The following DYRK1A variants were observed in gnomAD, a reference collection of about 807,000 sequenced individuals.
The protein encoded by DYRK1A is dual specificity tyrosine phosphorylation regulated kinase 1A, also known as dual specificity tyrosine-phosphorylation-regulated kinase 1A.
DYRK1A carries 9 observed loss-of-function variants against 79.7 expected under a neutral mutation model. The ratio of observed to expected loss-of-function variants is 0.11; its 90% CI spans 0.07 to 0.20. DYRK1A has a LOEUF of 0.20. Among genes scored for constraint, DYRK1A ranks in the 10% least tolerant of loss-of-function variants. The pLI is 1.00. For missense variants in DYRK1A, 622 were observed against 956.0 expected, an observed-to-expected ratio of 0.65 and a Z score of 4.61; for synonymous variants, 349 against 329.7, an observed-to-expected ratio of 1.06 and a Z score of -0.63.
intron 1 of DYRK1A, among the ~76,000 whole-genome samples, chr21:37,397,521 A>G (rs1166337297): frequency 6.6e-6 from 1 of 152,148 alleles, no homozygotes; most frequent in East Asian, 1.9e-4. Flanking sequence ...TTAAGTACAC[A>G]TTTAGTCACA....
chr21:37,367,704 C>T lies in DYRK1A; in HGVS notation c.-77+76C>T, dbSNP rs186071095. 1,247 of 147,148 alleles carry T rather than the reference C, an allele frequency of 8.5e-3. 13 individuals carry two copies. The highest frequency in any genetic ancestry group is 0.02 in the South Asian group (95 of 4,694). 9.1% of individuals were successfully genotyped at this position (147,148 alleles called of 1,614,324 possible). On this transcript the variant is annotated intron_variant, in intron 1 of 11. Transcript: ENST00000647188. ...CCGGCGGCCCGCAGCCGGGCCGGAG[C>T]CGAGGCCGGCCGGGCGGAGGGAGGG...
chr21:37,389,048 A>T (rs13052030), intron 1 of DYRK1A, among the ~76,000 whole-genome samples: 20,057 of 150,956 alleles, frequency 0.13, 1,431 homozygotes, highest in Middle Eastern at 0.17. Context: ...TAAAAAAAAA[A>T]ATTTTTTTTT....
chr21:37,496,374 T>C (rs936004991), intron 9 of DYRK1A, 116 bp downstream of exon 9: 57 of 1,015,214 alleles, frequency 5.6e-5, no homozygotes, highest in Middle Eastern at 5.1e-4. Flanking sequence ...ACGATTTTAT[T>C]GATACCTTAC....
At chr21:37,483,057 A>G (rs2052713934) in intron 5 of DYRK1A, among the ~76,000 whole-genome samples, 1 of 152,186 alleles carries the variant, frequency 6.6e-6, no homozygotes, top group Non-Finnish European at 1.5e-5. Context: ...TCCTGAGGCG[A>G]CATACATCCT....
Position 37,506,181 on chromosome 21 carries a change from A to G in DYRK1A, c.1602A>G (p.Thr534=), listed in dbSNP as rs2053591577. 2.5e-6 allele frequency: 4 copies of G among 1,614,186 alleles called. No homozygotes were observed. The highest frequency in any genetic ancestry group is 3.4e-6 in the Non-Finnish European group (4 of 1,180,036). ...HQHRHSGGHF[T]AAVQAMDCET... ...ATCGGCACAGTGGTGGGCACTTCAC[A>G]GCTGCCGTGCAGGCCATGGACTGCG... is the stretch of plus-strand genomic sequence containing the variant. The change falls in exon 11 of 12, where the codon ACA becomes ACG. Residue 534 remains threonine, a synonymous_variant. Transcript: ENST00000647188.
At chr21:37,426,887 T>C (rs1307196046) in intron 2 of DYRK1A, among the ~76,000 whole-genome samples, 2 of 134,714 alleles carry the variant, frequency 1.5e-5, no homozygotes, top group Non-Finnish European at 3.1e-5. Flanking sequence ...GCCACTGGAC[T>C]CCAGCTTGGG....
chr21:37,418,871 T>C (rs917374493), intron 1 of DYRK1A: 1 of 152,194 alleles, frequency 6.6e-6, no homozygotes, highest in Admixed American at 6.5e-5. Context: ...GAATCTGGAA[T>C]ATAGGCAAAG....
At chr21:37,407,955 C>A (rs954206778) in intron 1 of DYRK1A, among the ~76,000 whole-genome samples, 8 of 152,016 alleles carry the variant, frequency 5.3e-5, no homozygotes, top group Non-Finnish European at 8.8e-5. Flanking sequence ...CCCCGGCTCC[C>A]TGAAGTTTCA....
In DYRK1A at chr21:37,373,466, A is replaced by G. The variant is rs150952783; in HGVS notation, c.-77+5838A>G. Among the ~76,000 whole-genome samples, 4 of 152,350 alleles carry G rather than the reference A, an allele frequency of 2.6e-5. No individual in the cohort carries two copies. The East Asian group carries it at 5.8e-4, about 22-fold the overall frequency. ...AATGTAGATGGGCCTGTTTCTGACT[A>G]AATACAGTGGCTTAAACGAGAAATT... On this transcript the variant is annotated intron_variant, in intron 1 of 11. Coordinates refer to ENST00000647188, the MANE Select transcript of DYRK1A (RefSeq NM_001347721.2).
At chr21:37,455,035 T>TTTTC (rs1569337621) in intron 2 of DYRK1A, among the ~76,000 whole-genome samples, 2 of 151,298 alleles carry the variant, frequency 1.3e-5, no homozygotes, top group African/African-American at 4.9e-5. Flanking sequence ...TTTTTTTTTT[T>TTTTC]TTTCGTGCCC....
intron 1 of DYRK1A, among the ~76,000 whole-genome samples, chr21:37,392,624 C>A (rs897860394): frequency 8.5e-5 from 13 of 152,186 alleles, no homozygotes; most frequent in African/African-American, 3.1e-4. Flanking sequence ...TTCCTTTAAC[C>A]TCTTTTACAA....
At chr21:37,382,730 T>C (rs1300221847) in intron 1 of DYRK1A, among the ~76,000 whole-genome samples, 1 of 152,220 alleles carries the variant, frequency 6.6e-6, no homozygotes, top group Non-Finnish European at 1.5e-5. Context: ...ACTGGCCTAC[T>C]GAATGAATAA....
At chr21:37,452,095 C>T (rs1368733271) in intron 2 of DYRK1A, among the ~76,000 whole-genome samples, 1 of 150,850 alleles carries the variant, frequency 6.6e-6, no homozygotes, top group Non-Finnish European at 1.5e-5. Flanking sequence ...AACACTTAAC[C>T]TGGGTACTCT....
At chr21:37,487,073 G>A (rs969542544) in intron 6 of DYRK1A, 2 of 152,294 alleles carry the variant, frequency 1.3e-5, no homozygotes, top group African/African-American at 4.8e-5. Context: ...AGCATTAGAA[G>A]CTATTAGATT....
chr21:37,508,574 A>C (rs1341107632), intron 11 of DYRK1A, among the ~76,000 whole-genome samples: 3 of 152,196 alleles, frequency 2.0e-5, no homozygotes, highest in Non-Finnish European at 4.4e-5. Context: ...GGCATGAGCC[A>C]CTGCACCTGG....
At chr21:37,445,410 A>G (rs2148487935) in intron 2 of DYRK1A, among the ~76,000 whole-genome samples, 1 of 152,336 alleles carries the variant, frequency 6.6e-6, no homozygotes, top group Non-Finnish European at 1.5e-5. Context: ...TTGAGCATTT[A>G]CTGTGCCAAG....
At chr21:37,453,957 G>A (rs2835751) in intron 2 of DYRK1A, among the ~76,000 whole-genome samples, 64,501 of 151,634 alleles carry the variant, frequency 0.43, 15,065 homozygotes, top group African/African-American at 0.62. Flanking sequence ...TATATTTGGA[G>A]TTGTATAAAT....
chr21:37,406,937 A>ATT (rs34373101), intron 1 of DYRK1A, among the ~76,000 whole-genome samples: 208 of 138,386 alleles, frequency 1.5e-3, no homozygotes, highest in Non-Finnish European at 1.8e-3. Flanking sequence ...AATTCTTTTG[A>ATT]TTTTTTTTTT....
At chr21:37,395,457 A>C (rs1005372219) in intron 1 of DYRK1A, among the ~76,000 whole-genome samples, 1 of 152,156 alleles carries the variant, frequency 6.6e-6, no homozygotes, top group African/African-American at 2.4e-5. Flanking sequence ...GGAAAATCTT[A>C]GATGTTAATC....
Sources: allele counts gnomAD v4.1 joint callset (sites outside exome capture counted in the v4.1 genomes callset), GRCh38; gene constraint gnomAD v4.1.1; transcripts MANE v1.5; gene names NCBI Gene and HGNC (gene_info 2026-07-23, HGNC 2026-07-21).